The following SLCO1B1 variants were observed in gnomAD, a reference collection of about 807,000 sequenced individuals.
SLCO1B1 encodes the protein OATP-2.
Under a neutral mutation model 70.1 loss-of-function variants are expected in SLCO1B1, and 81 were observed. The observed-to-expected ratio is 1.16, with a 90% confidence interval of 0.97 to 1.39. The LOEUF is 1.39. Among genes scored for constraint, SLCO1B1 ranks in the 40% most tolerant of loss-of-function variants. The pLI is 0.00. For missense variants in SLCO1B1, 895 were observed against 799.6 expected (o/e 1.12, Z -1.44); for synonymous variants, 283 against 271.5 (o/e 1.04, Z -0.42).
rs912612266 is a variant in SLCO1B1, at chr12:21,141,791, C to T, written c.84+133C>T. 1.1e-5 allele frequency: 6 copies of T among 570,444 alleles called. No individual in the cohort carries two copies. The Admixed American group carries it at 1.2e-4, about 11-fold the overall frequency. 35.3% of individuals were successfully genotyped at this position (570,444 alleles called of 1,614,324 possible). A position where few individuals can be genotyped will look rare whatever the true frequency, so the allele number is the denominator to read the frequency against. On this transcript the variant is annotated intron_variant, in intron 2 of 14. Transcript: ENST00000256958. ...ATTGAAGCATATATTGAAATATTAA[C>T]ATAATGATTCATACCTTGATTTAAA...
chr12:21,191,029 TTA>T (rs1941024056), intron 7 of SLCO1B1, among the ~76,000 whole-genome samples: 1 of 152,076 alleles, frequency 6.6e-6, no homozygotes, highest in African/African-American at 2.4e-5. Context: ...TGGTACCATA[TTA>T]TATTAATTAC....
chr12:21,216,383 C>T (rs1204367308), intron 11 of SLCO1B1, among the ~76,000 whole-genome samples: 5 of 152,090 alleles, frequency 3.3e-5, no homozygotes, highest in Admixed American at 3.3e-4. Context: ...TTAATAGATT[C>T]AACGTGAGGT....
chr12:21,221,669 C>G (rs74690297), intron 12 of SLCO1B1, among the ~76,000 whole-genome samples: 20,370 of 152,046 alleles, frequency 0.13, 1,686 homozygotes, highest in Non-Finnish European at 0.18. Context: ...TGCTCAATAT[C>G]ACTAATCATC....
At chr12:21,218,633 T>G (rs1407813545) in intron 12 of SLCO1B1, among the ~76,000 whole-genome samples, 1 of 152,168 alleles carries the variant, frequency 6.6e-6, no homozygotes, top group Non-Finnish European at 1.5e-5. Flanking sequence ...AAAGGAGAAG[T>G]CTTTCATATT....
chr12:21,177,743 A>C (rs1454420760), intron 5 of SLCO1B1, among the ~76,000 whole-genome samples: 2 of 152,110 alleles, frequency 1.3e-5, no homozygotes, highest in Non-Finnish European at 2.9e-5. Context: ...AGTCATGATA[A>C]ACCTAATAGA....
chr12:21,139,405 A>C (rs1940276329), intron 1 of SLCO1B1, among the ~76,000 whole-genome samples: 1 of 152,126 alleles, frequency 6.6e-6, no homozygotes, highest in African/African-American at 2.4e-5. Context: ...TAATAATTGG[A>C]GTTCACTTAG....
intron 2 of SLCO1B1, among the ~76,000 whole-genome samples, chr12:21,153,861 T>C (rs1428969727): frequency 6.6e-6 from 1 of 152,032 alleles, no homozygotes; most frequent in Non-Finnish European, 1.5e-5. Flanking sequence ...TTTATACACC[T>C]ATAAAATTTT....
At position 21,159,852 on chromosome 12, in the gene SLCO1B1, A is replaced by G. The variant is rs1392415349; in HGVS notation, c.85-12798A>G. On this transcript the variant is annotated intron_variant, in intron 2 of 14. Transcript: ENST00000256958. ...CAACAGCCAAACCGAGAGCCAAATC[A>G]GGAAGGCAATCCCATTCACAATTGA... Among the ~76,000 whole-genome samples the G allele has an allele frequency of 2.0e-5, 3 of 152,114 alleles. No homozygotes were observed. In the East Asian group the frequency reaches 5.8e-4, roughly 29 times the overall value.
intron 2 of SLCO1B1, among the ~76,000 whole-genome samples, chr12:21,158,798 T>C (rs1331733590): frequency 6.6e-6 from 1 of 152,190 alleles, no homozygotes; most frequent in African/African-American, 2.4e-5. Flanking sequence ...ATACACATTT[T>C]ACTGGATCTT....
intron 2 of SLCO1B1, among the ~76,000 whole-genome samples, chr12:21,163,613 C>A (rs1304909190): frequency 6.6e-6 from 1 of 152,096 alleles, no homozygotes; most frequent in Non-Finnish European, 1.5e-5. Flanking sequence ...GCTGGGAGAC[C>A]AAGATCAGGG....
chr12:21,176,209 C>G (rs902509514), intron 4 of SLCO1B1, among the ~76,000 whole-genome samples: 5 of 152,140 alleles, frequency 3.3e-5, no homozygotes, highest in African/African-American at 1.2e-4. Context: ...CTCTTTGAAG[C>G]TTAGCATAAT....
At chr12:21,206,550 C>T (rs553556685) in intron 11 of SLCO1B1, among the ~76,000 whole-genome samples, 1 of 151,984 alleles carries the variant, frequency 6.6e-6, no homozygotes, top group Admixed American at 6.6e-5. Context: ...GCTCACTTGA[C>T]TGCCCTATTC....
rs150417061 is a variant in SLCO1B1 at position 21,178,372 on chromosome 12, A to C, written c.482-204A>C. 2.2e-4 allele frequency among the ~76,000 whole-genome samples: 33 copies of C among 152,166 alleles called. 1 individual carries two copies. The highest frequency in any genetic ancestry group is 7.7e-4 in the African/African-American group (32 of 41,518). On this transcript the variant is annotated intron_variant, in intron 5 of 14. Transcript: ENST00000256958. ...ATTAGACCCTTTTCCTTTATAAATT[A>C]CCCAGTCTCAGGTATGTATTTATTA...
intron 1 of SLCO1B1, among the ~76,000 whole-genome samples, chr12:21,136,200 G>T (rs1440953772): frequency 6.7e-6 from 1 of 149,652 alleles, no homozygotes; most frequent in Non-Finnish European, 1.5e-5. Context: ...CGAGAGATCA[G>T]CTGTTAGTCT....
chr12:21,228,668 T>C (rs7358672), intron 14 of SLCO1B1, among the ~76,000 whole-genome samples: 53,269 of 151,976 alleles, frequency 0.35, 9,647 homozygotes, highest in East Asian at 0.45. Flanking sequence ...GGTTTGAAGA[T>C]GGAAGAAAGG....
chr12:21,180,087 T>C (rs1335835857), intron 7 of SLCO1B1, among the ~76,000 whole-genome samples: 1 of 152,132 alleles, frequency 6.6e-6, no homozygotes, highest in Non-Finnish European at 1.5e-5. Flanking sequence ...TAATTGATAT[T>C]TCCAGTGCTT....
chr12:21,192,941 C>T (rs1941047066), intron 7 of SLCO1B1, among the ~76,000 whole-genome samples: 1 of 151,868 alleles, frequency 6.6e-6, no homozygotes, highest in Non-Finnish European at 1.5e-5. Context: ...TTTCTAATTT[C>T]CCTTTTGATT....
intron 4 of SLCO1B1, among the ~76,000 whole-genome samples, chr12:21,176,253 C>T (rs992614476): frequency 2.6e-5 from 4 of 152,102 alleles, no homozygotes; most frequent in Admixed American, 2.0e-4. Context: ...TTAGAGCTCA[C>T]GTGGTACCTA....
Position 21,132,656 on chromosome 12 carries a change from G to A in SLCO1B1, c.-62+1420G>A, listed in dbSNP as rs190819971. 3.2e-4 allele frequency among the ~76,000 whole-genome samples: 49 copies of A among 152,220 alleles called. 1 individual carries two copies. The highest frequency in any genetic ancestry group is 8.9e-4 in the African/African-American group (37 of 41,542). Reference sequence around the variant, plus strand: ...CTTCTGTTGAGAAGTGTCTGTTCATGTCCTTCACCCACTTCTTGATGGGGT... The same window carrying A: ...CTTCTGTTGAGAAGTGTCTGTTCATATCCTTCACCCACTTCTTGATGGGGT... On this transcript the variant is annotated intron_variant, in intron 1 of 14. Coordinates refer to ENST00000256958, the MANE Select transcript of SLCO1B1 (RefSeq NM_006446.5).
Sources: gnomAD v4.1 joint callset for allele counts (sites outside exome capture counted in the v4.1 genomes callset) on GRCh38, gnomAD v4.1.1 for gene constraint, MANE v1.5 for transcripts, NCBI Gene and HGNC (gene_info 2026-07-23, HGNC 2026-07-21) for gene names.